Variants in MKLN1 observed in about 807,000 individuals in gnomAD.
The protein encoded by MKLN1 is muskelin.
In MKLN1, 18 loss-of-function variants were observed where a neutral mutation model predicts 99.0. The observed-to-expected ratio is 0.18, with a 90% CI of 0.13 to 0.27. The LOEUF is 0.27. Among genes scored for constraint, MKLN1 ranks in the 10% least tolerant of loss-of-function variants. The pLI is 1.00. For synonymous variants in MKLN1, 288 were observed against 293.2 expected (o/e 0.98, Z 0.18); for missense variants, 621 against 875.9 (o/e 0.71, Z 3.67).
intron 2 of MKLN1, among the ~76,000 whole-genome samples, chr7:131,173,282 C>A (rs1252842175): frequency 1.3e-5 from 2 of 152,056 alleles, no homozygotes; most frequent in Middle Eastern, 3.2e-3. Context: ...AAAAACACTA[C>A]AGATAGTTGA....
chr7:131,223,499 C>T (rs554814621), intron 3 of MKLN1, among the ~76,000 whole-genome samples: 6 of 152,318 alleles, frequency 3.9e-5, no homozygotes, highest in African/African-American at 1.4e-4. Flanking sequence ...CTGCTGCCTA[C>T]ACTAACCCTG....
intron 7 of MKLN1, 86 bp downstream of exon 7, chr7:131,411,469 T>A: frequency 2.2e-6 from 2 of 892,350 alleles, no homozygotes; most frequent in Non-Finnish European, 3.7e-6. Context: ...ATCATAGTAC[T>A]AAGTTAATAA....
At chr7:131,389,090 T>C (rs1353556750) in intron 4 of MKLN1, 118 bp downstream of exon 4, 1 of 603,332 alleles carries the variant, frequency 1.7e-6, no homozygotes, top group Non-Finnish European at 2.8e-6. Flanking sequence ...TTTATGGGAA[T>C]ATTGCTGCGC....
At chr7:131,368,085 A>G (rs1205061592) in intron 1 of MKLN1, among the ~76,000 whole-genome samples, 1 of 152,172 alleles carries the variant, frequency 6.6e-6, no homozygotes, top group Non-Finnish European at 1.5e-5. Flanking sequence ...GAATACTACT[A>G]TGGCAATAGG....
At chr7:131,161,366 G>A (rs575648867) in intron 2 of MKLN1, among the ~76,000 whole-genome samples, 1 of 152,258 alleles carries the variant, frequency 6.6e-6, no homozygotes, top group East Asian at 1.9e-4. Flanking sequence ...TTGAAATATG[G>A]TTAGTCTGAA....
At chr7:131,378,207 G>A (rs984044971) in intron 2 of MKLN1, among the ~76,000 whole-genome samples, 1 of 152,114 alleles carries the variant, frequency 6.6e-6, no homozygotes, top group Non-Finnish European at 1.5e-5. Context: ...CACCTCCTGG[G>A]CTCAAGTGAT....
intron 1 of MKLN1, among the ~76,000 whole-genome samples, chr7:131,346,841 A>T (rs566830854): frequency 1.3e-5 from 2 of 152,390 alleles, no homozygotes; most frequent in Admixed American, 6.5e-5. Context: ...CTATAATTAC[A>T]TATACACATA....
intron 1 of MKLN1, among the ~76,000 whole-genome samples, chr7:131,116,326 T>C (rs1795277991): frequency 6.6e-6 from 1 of 152,032 alleles, no homozygotes; most frequent in African/African-American, 2.4e-5. Context: ...TTTTAAGATT[T>C]TGGAAGTGGA....
chr7:131,128,208 A>C, intron 1 of MKLN1, among the ~76,000 whole-genome samples: 1 of 139,484 alleles, frequency 7.2e-6, no homozygotes. Flanking sequence ...TCTGATTCAA[A>C]AAAAAAAAAA....
rs182581276 is a variant in MKLN1, at chr7:131,337,562, A to T, written c.98+9565A>T. On this transcript the variant is annotated intron_variant, in intron 1 of 17. Transcript: ENST00000352689. ...AATTATTTCATCCTCTCTTTTTAAG[A>T]TAGATTCTAATTATGTGAAAATCTC... Among the ~76,000 whole-genome samples the T allele has an allele frequency of 3.7e-3, 567 of 152,008 alleles. 7 individuals are homozygous for T. The highest frequency in any genetic ancestry group is 0.013 in the African/African-American group (547 of 41,498).
At chr7:131,202,262 C>T (rs151228529) in intron 2 of MKLN1, among the ~76,000 whole-genome samples, 2 of 145,654 alleles carry the variant, frequency 1.4e-5, no homozygotes, top group Non-Finnish European at 3.0e-5. Flanking sequence ...CGAGTTCAAG[C>T]GATTCACCAT....
intron 1 of MKLN1, among the ~76,000 whole-genome samples, chr7:131,355,959 A>C (rs562357907): frequency 6.6e-6 from 1 of 151,132 alleles, no homozygotes. Flanking sequence ...TACTTTTTCT[A>C]TCTCTTAAAT....
In MKLN1 at chr7:131,410,660, T is replaced by G. The variant is rs375858513; in HGVS notation, c.704-646T>G. 2.0e-5 allele frequency among the ~76,000 whole-genome samples: 3 copies of G among 152,254 alleles called. No individual in the cohort carries two copies. In the East Asian group the frequency reaches 5.8e-4, roughly 29 times the overall value. ...CACTGTTGGGGGAAAGAGATTAGGA[T>G]CCAATGAATCCATGTCATTATAGGA... On this transcript the variant is annotated intron_variant, in intron 6 of 17. Coordinates refer to ENST00000352689, the MANE Select transcript of MKLN1 (RefSeq NM_013255.5).
intron 2 of MKLN1, among the ~76,000 whole-genome samples, chr7:131,382,814 C>T (rs577033198): frequency 6.6e-6 from 1 of 151,876 alleles, no homozygotes; most frequent in Non-Finnish European, 1.5e-5. Flanking sequence ...AGCTCCGCCC[C>T]ATAGGTTCAT....
At chr7:131,267,653 T>A (rs992305184) in intron 3 of MKLN1, among the ~76,000 whole-genome samples, 3 of 152,200 alleles carry the variant, frequency 2.0e-5, no homozygotes, top group Non-Finnish European at 4.4e-5. Context: ...TCAGATGAAT[T>A]TGGAATATTC....
intron 1 of MKLN1, among the ~76,000 whole-genome samples, chr7:131,334,465 A>G (rs1215964377): frequency 2.0e-5 from 3 of 152,252 alleles, no homozygotes; most frequent in Admixed American, 6.5e-5. Context: ...ATTTGAGTCT[A>G]CAGAGCTGAT....
At chr7:131,407,955 G>GTCA (rs902925986) in intron 6 of MKLN1, among the ~76,000 whole-genome samples, 10 of 151,696 alleles carry the variant, frequency 6.6e-5, no homozygotes, top group South Asian at 2.1e-4. Flanking sequence ...CTGCATCATT[G>GTCA]TCATCATCAT....
At chr7:131,232,400 A>G (rs1279981102) in intron 3 of MKLN1, among the ~76,000 whole-genome samples, 1 of 152,222 alleles carries the variant, frequency 6.6e-6, no homozygotes, top group Non-Finnish European at 1.5e-5. Flanking sequence ...AACTACACAC[A>G]TGAAAAATTT....
intron 1 of MKLN1, among the ~76,000 whole-genome samples, chr7:131,339,688 G>C (rs1340479078): frequency 1.3e-5 from 1 of 74,950 alleles, no homozygotes; most frequent in Non-Finnish European, 2.6e-5. Flanking sequence ...GACAGAGGGA[G>C]ACTCAGTCTC....
Sources: gnomAD v4.1 joint callset for allele counts (sites outside exome capture counted in the v4.1 genomes callset) on GRCh38, gnomAD v4.1.1 for gene constraint, MANE v1.5 for transcripts, NCBI Gene and HGNC (gene_info 2026-07-23, HGNC 2026-07-21) for gene names.